The following MAST4 variants were observed in gnomAD, a reference collection of about 807,000 sequenced individuals.
The protein encoded by MAST4 is microtubule-associated serine/threonine-protein kinase 4.
Under a neutral mutation model 162.7 loss-of-function variants are expected in MAST4, and 89 were observed. That is an observed-to-expected ratio of 0.55 (90% CI 0.46 to 0.65). The LOEUF is 0.65. MAST4 is among the 30% of genes least tolerant of loss of function. MAST4 has a pLI of 0.00. For missense variants in MAST4, 3,153 were observed against 3,374.0 expected (o/e 0.93, Z 1.62); for synonymous variants, 1,479 against 1,361.1 (o/e 1.09, Z -1.91).
At chr5:66,736,522 C>A (rs1752166298) in intron 1 of MAST4, among the ~76,000 whole-genome samples, 1 of 152,144 alleles carries the variant, frequency 6.6e-6, no homozygotes. Flanking sequence ...AACAATGATT[C>A]AGCTGCTAAA....
At chr5:66,792,546 T>C (rs1324679899) in intron 3 of MAST4, 1 of 150,648 alleles carries the variant, frequency 6.6e-6, no homozygotes, top group East Asian at 1.9e-4. Flanking sequence ...AAAAGTGACT[T>C]TTTTTTTTAG....
intron 3 of MAST4, among the ~76,000 whole-genome samples, chr5:66,894,249 CTT>C (rs1460381036): frequency 6.6e-6 from 1 of 152,190 alleles, no homozygotes; most frequent in Non-Finnish European, 1.5e-5. Flanking sequence ...ACACAAACCA[CTT>C]TCTCTCTAGA....
rs1414309028 is a variant in MAST4, at chr5:66,807,799, C to T, written c.642+19005C>T. On this transcript the variant is annotated intron_variant, in intron 3 of 28. Transcript: ENST00000403625. Reference sequence around the variant, plus strand: ...GACCTGGTTCCAGAAAGAATGGGTCCCTCAGGCAGCTGCTTCCCTAAGACT... The same window carrying T: ...GACCTGGTTCCAGAAAGAATGGGTCTCTCAGGCAGCTGCTTCCCTAAGACT... Among the ~76,000 whole-genome samples the T allele has an allele frequency of 2.0e-5, 3 of 152,180 alleles. No homozygotes were observed. In the East Asian group the frequency reaches 5.8e-4, roughly 29 times the overall value.
intron 4 of MAST4, among the ~76,000 whole-genome samples, chr5:66,995,037 A>G (rs1750476555): frequency 6.6e-6 from 1 of 152,248 alleles, no homozygotes; most frequent in Non-Finnish European, 1.5e-5. Flanking sequence ...ATGGATTTAA[A>G]GCCCAGTCGG....
intron 4 of MAST4, among the ~76,000 whole-genome samples, chr5:66,961,336 T>A (rs1745985393): frequency 6.6e-6 from 1 of 152,236 alleles, no homozygotes; most frequent in Admixed American, 6.5e-5. Context: ...AGAACAGCTT[T>A]TGAATGTTCA....
At position 66,951,598 on chromosome 5, in the gene MAST4, ATGTGTGTGTGTGTGTG is replaced by A. The variant is rs59043309; in HGVS notation, c.674+51656_674+51671del. On this transcript the variant is annotated intron_variant, in intron 4 of 28. Coordinates refer to ENST00000403625, the MANE Select transcript of MAST4 (RefSeq NM_001164664.2). ...AGGCCATTATTTTGCCTCCCATGAT[ATGTGTGTGTGTGTGTG>A]TGTGTGTGTGTGTGTGTGTGTGTGT... 1.6e-3 allele frequency among the ~76,000 whole-genome samples: 198 copies of A among 122,416 alleles called. No individual in the cohort carries two copies. The East Asian group carries it at 0.019, about 12-fold the overall frequency. 80.3% of individuals were successfully genotyped at this position (122,416 alleles called of 152,430 possible). A position where few individuals can be genotyped will look rare whatever the true frequency, so the allele number is the denominator to read the frequency against.
intron 4 of MAST4, among the ~76,000 whole-genome samples, chr5:66,996,161 C>A (rs902300449): frequency 6.6e-5 from 10 of 152,024 alleles, no homozygotes; most frequent in African/African-American, 1.9e-4. Flanking sequence ...CACGTGTAAT[C>A]CCGGCTACTC....
In MAST4 at chr5:67,114,242, C is replaced by T. The variant is rs541256234; in HGVS notation, c.1591+23C>T. 5.0e-6 allele frequency: 8 copies of T among 1,599,730 alleles called. No homozygotes were observed. The African/African-American group carries it at 9.5e-5, about 19-fold the overall frequency. On this transcript the variant is annotated intron_variant, in intron 12 of 28. Transcript: ENST00000403625. ...AAGGTGAGTCCCTGGGTTGTTCCTA[C>T]CTTTGACTTTGCTTATGCACTGTCG...
At chr5:66,696,620 A>G (rs1301121586) in intron 1 of MAST4, among the ~76,000 whole-genome samples, 3 of 152,188 alleles carry the variant, frequency 2.0e-5, no homozygotes, top group Admixed American at 2.0e-4. Flanking sequence ...TCAGCTGCAC[A>G]CATGCATTCA....
intron 5 of MAST4, among the ~76,000 whole-genome samples, chr5:67,078,900 AT>A (rs1292493750): frequency 2.7e-5 from 2 of 74,140 alleles, no homozygotes; most frequent in African/African-American, 5.6e-5. Context: ...ATATTTATAT[AT>A]TTTTATATAA....
chr5:67,091,487 G>A (rs763117827), intron 6 of MAST4, among the ~76,000 whole-genome samples: 45 of 152,100 alleles, frequency 3.0e-4, no homozygotes, highest in Non-Finnish European at 5.7e-4. Flanking sequence ...GTAAGAAAAT[G>A]TACTGGTCCC....
intron 4 of MAST4, among the ~76,000 whole-genome samples, chr5:66,962,564 C>T (rs943929429): frequency 3.9e-5 from 6 of 152,088 alleles, no homozygotes; most frequent in African/African-American, 1.2e-4. Context: ...AAAAATTAGC[C>T]AGGTATGGTT....
chr5:67,024,486 C>T (rs966201933), intron 4 of MAST4, among the ~76,000 whole-genome samples: 10 of 144,722 alleles, frequency 6.9e-5, no homozygotes, highest in South Asian at 2.2e-4. Context: ...TAGATATATA[C>T]ATATCTATAT....
chr5:66,914,992 G>C (rs1418911047), intron 4 of MAST4, among the ~76,000 whole-genome samples: 1 of 152,130 alleles, frequency 6.6e-6, no homozygotes, highest in Non-Finnish European at 1.5e-5. Flanking sequence ...GCCCGGCGAG[G>C]TGGCTTATGC....
At chr5:66,604,641 T>C (rs1742762870) in intron 1 of MAST4, among the ~76,000 whole-genome samples, 2 of 152,260 alleles carry the variant, frequency 1.3e-5, no homozygotes, top group African/African-American at 4.8e-5. Context: ...TCTTTTGGCC[T>C]CTGCCTTAGA....
chr5:67,078,915 T>A (rs10057370), intron 5 of MAST4, among the ~76,000 whole-genome samples: 11,682 of 27,844 alleles, frequency 0.42, 1,822 homozygotes, highest in East Asian at 0.6. Flanking sequence ...TATATAAATA[T>A]ATATATATAT....
chr5:66,815,897 T>C (rs1756693755), intron 3 of MAST4, among the ~76,000 whole-genome samples: 1 of 152,172 alleles, frequency 6.6e-6, no homozygotes, highest in African/African-American at 2.4e-5. Context: ...AGGTAAAGTA[T>C]GGAATCATCA....
At chr5:67,013,322 A>G (rs1165474017) in intron 4 of MAST4, among the ~76,000 whole-genome samples, 3 of 152,298 alleles carry the variant, frequency 2.0e-5, no homozygotes, top group Non-Finnish European at 4.4e-5. Flanking sequence ...TAGAGGTAGT[A>G]TATTGGGTTC....
chr5:67,130,332 C>T lies in MAST4; in HGVS notation c.1868C>T (p.Thr623Ile), dbSNP rs1295039717. The T allele has an allele frequency of 6.2e-7, 1 of 1,613,886 alleles. No individual in the cohort carries two copies. Among genetic ancestry groups the T allele is most frequent in the Non-Finnish European group, 8.5e-7 (1 of 1,179,920 alleles). The change falls in exon 15 of 29, where the codon ACT becomes ATT. Residue 623 changes from threonine (T) to isoleucine (I), a missense_variant. By Grantham distance (89) the Thr-to-Ile change is moderately conservative (BLOSUM62 -1). This residue lies in a region of MAST4 where 131 missense variants were observed against 253.8 expected (regional missense o/e 0.52). Coordinates refer to ENST00000403625, the MANE Select transcript of MAST4 (RefSeq NM_001164664.2). ...QQAFVERDIL[T>I]FAENPFVVSM... ...GCCTTTGTGGAGCGGGATATCCTGA[C>T]TTTTGCAGAAAACCCCTTTGTTGTC...
Sources: gnomAD v4.1 joint callset for allele counts (sites outside exome capture counted in the v4.1 genomes callset) on GRCh38, gnomAD v4.1.1 for gene constraint, gnomAD v4.1.1 regional missense constraint, MANE v1.5 for transcripts, NCBI Gene and HGNC (gene_info 2026-07-23, HGNC 2026-07-21) for gene names.